The following ZNF530 variants were observed in gnomAD, a reference collection of about 807,000 sequenced individuals.
ZNF530 encodes zinc finger protein 530.
A neutral mutation model predicts 2.8 loss-of-function variants in ZNF530; 5 were observed. That is an observed-to-expected ratio of 1.80 (90% CI 0.94 to 3.78). The LOEUF (loss-of-function observed/expected upper bound fraction) is 3.78, where lower values mean the gene tolerates loss of function less well. ZNF530 is among the 30% of genes most tolerant of loss of function. The pLI is 0.00. For synonymous variants in ZNF530, 229 were observed against 235.0 expected, an observed-to-expected ratio of 0.97 and a Z score of 0.23; for missense variants, 619 against 673.3, an observed-to-expected ratio of 0.92 and a Z score of 0.89.
rs1453945089 is a variant in ZNF530, at chr19:57,608,101, C to G, written c.*776C>G. The G allele has an allele frequency of 6.6e-6, 1 of 152,172 alleles. No homozygotes were observed. The highest frequency in any genetic ancestry group is 1.5e-5 in the Non-Finnish European group (1 of 68,042). 9.4% of individuals were successfully genotyped at this position (152,172 alleles called of 1,614,324 possible). A position where few individuals can be genotyped will look rare whatever the true frequency, so the allele number is the denominator to read the frequency against. ...GCATATAACTACCCCAGTGTTGGCC[C>G]CAGGACCTGATCTGAGTTCTGCTGG... On this transcript the variant is annotated 3_prime_UTR_variant, in exon 4 of 4. Transcript: ENST00000597700.
At position 57,606,680 on chromosome 19, in the gene ZNF530, G is replaced by C. The variant is rs770518655; in HGVS notation, c.1056G>C (p.Gly352=). The C allele has an allele frequency of 6.2e-7, 1 of 1,613,966 alleles. No homozygotes were observed. Among genetic ancestry groups the C allele is most frequent in the Non-Finnish European group, 8.5e-7 (1 of 1,179,994 alleles). ...GVRPYECSEC[G]KAFSCNIYLI... Reference sequence around the variant, plus strand: ...GGCCTTATGAGTGTAGTGAATGTGGGAAAGCATTTAGTTGCAATATCTACC... The same window carrying C: ...GGCCTTATGAGTGTAGTGAATGTGGCAAAGCATTTAGTTGCAATATCTACC... The change falls in exon 4 of 4, where the codon GGG becomes GGC. Residue 352 remains glycine, a synonymous_variant. Coordinates refer to ENST00000597700, the MANE Select transcript of ZNF530 (RefSeq NM_001321981.2).
chr19:57,601,199 G>C (rs929340263), intron 2 of ZNF530, among the ~76,000 whole-genome samples: 38 of 152,220 alleles, frequency 2.5e-4, no homozygotes, highest in Non-Finnish European at 1.0e-4. Flanking sequence ...TGAGGCTCCT[G>C]TGGCTGAGCA....
intron 3 of ZNF530, 142 bp downstream of exon 3, chr19:57,604,548 T>G (rs1392420428): frequency 1.2e-5 from 14 of 1,191,950 alleles, no homozygotes; most frequent in Non-Finnish European, 1.7e-5. Context: ...CTGAGGGACA[T>G]CGCCAAGCAA....
rs2360543 is a variant in ZNF530, at chr19:57,605,855, T to A, written c.231T>A (p.His77Gln). The A allele has an allele frequency of 0.76, 1,222,848 of 1,614,004 alleles. 466,254 individuals are homozygous for A. The highest frequency in any genetic ancestry group is 0.85 in the African/African-American group (63,897 of 74,998). The change falls in exon 4 of 4, where the codon CAT becomes CAA. Residue 77 changes from histidine to glutamine, a missense_variant. By Grantham distance (24) the His-to-Gln change is conservative. Coordinates refer to ENST00000597700, the MANE Select transcript of ZNF530 (RefSeq NM_001321981.2). ...ACATTTTACAAATGATTGAGCTCCA[T>A]GCCTCACCCTGTGGACAGAAATTGT... ...LRDILQMIELHASPCGQKLYL... is the reference protein window; with the variant it reads ...LRDILQMIELQASPCGQKLYL...
downstream of ZNF530, among the ~76,000 whole-genome samples, chr19:57,611,106 T>C (rs1426616614): frequency 1.3e-5 from 2 of 152,292 alleles, no homozygotes; most frequent in South Asian, 2.1e-4. Context: ...GCCAATACTT[T>C]CCCTGCACTA....
rs946131523 is a variant in ZNF530 at position 57,600,107 on chromosome 19, G to A, written c.-149G>A. ...CGGCCCGCTCCGCCCAGAGTCCGAT[G>A]GCGGCGGCACTGAGGGCCCCGACCC... On this transcript the variant is annotated 5_prime_UTR_variant, in exon 1 of 4. It removes an upstream start codon present in the reference 5' UTR. Transcript: ENST00000597700. 3.2e-6 allele frequency: 5 copies of A among 1,562,864 alleles called. No individual in the cohort carries two copies. The highest frequency in any genetic ancestry group is 3.5e-6 in the Non-Finnish European group (4 of 1,152,612).
At chr19:57,602,709 G>A (rs370954519) in intron 2 of ZNF530, among the ~76,000 whole-genome samples, 15 of 152,246 alleles carry the variant, frequency 9.9e-5, no homozygotes, top group Middle Eastern at 3.4e-3. Context: ...GTCCATTTTC[G>A]TGCTGCTGAT....
At chr19:57,603,101 G>A (rs1980323831) in intron 2 of ZNF530, among the ~76,000 whole-genome samples, 3 of 152,202 alleles carry the variant, frequency 2.0e-5, no homozygotes, top group Admixed American at 6.5e-5. Context: ...ACATTGGCCA[G>A]GCTGGTCTCA....
rs1980724264 is a variant in ZNF530 at position 57,608,675 on chromosome 19, C to G, written c.*1350C>G. On this transcript the variant is annotated 3_prime_UTR_variant, in exon 4 of 4. Coordinates refer to ENST00000597700, the MANE Select transcript of ZNF530 (RefSeq NM_001321981.2). Reference sequence around the variant, plus strand: ...CCCTTGAAACACAGAATTCAGTGAGCTAGTGTCCCTAGCTATAAAACCATG... The same window carrying G: ...CCCTTGAAACACAGAATTCAGTGAGGTAGTGTCCCTAGCTATAAAACCATG... The G allele has an allele frequency of 6.6e-6, 1 of 152,182 alleles. No homozygotes were observed. The highest frequency in any genetic ancestry group is 1.5e-5 in the Non-Finnish European group (1 of 68,048). The allele number at this position is 152,182 out of a possible 1,614,324, so 9.4% of individuals were successfully genotyped here. A position where few individuals can be genotyped will look rare whatever the true frequency, so the allele number is the denominator to read the frequency against.
downstream of ZNF530, among the ~76,000 whole-genome samples, chr19:57,610,931 A>G (rs570233420): frequency 6.8e-4 from 104 of 152,222 alleles, no homozygotes; most frequent in African/African-American, 2.4e-3. Flanking sequence ...ATATGTATTA[A>G]TCATGGTTTC....
downstream of ZNF530, among the ~76,000 whole-genome samples, chr19:57,610,412 ATGTGTGTGTGTGTGTGTGTGTG>A (rs57429926): frequency 2.7e-5 from 4 of 147,180 alleles, no homozygotes; most frequent in African/African-American, 1.0e-4. Context: ...AAGTGTACAT[ATGTGTGTGTGTGTGTGTGTGTG>A]TGTGTGTGTG....
chr19:57,605,383 A>G (rs924107131), intron 3 of ZNF530: 6 of 252,644 alleles, frequency 2.4e-5, no homozygotes, highest in Non-Finnish European at 3.0e-5. Context: ...GACACCAATA[A>G]TCTTCTGTGC....
Position 57,607,022 on chromosome 19 carries a change from T to A in ZNF530, c.1398T>A (p.Ser466=), listed in dbSNP as rs772435172. The change falls in exon 4 of 4, where the codon TCT becomes TCA. Residue 466 remains serine, a synonymous_variant. Transcript: ENST00000597700. ...ATGAGTGCAGTGTATGTGGGAAATCTTTTATCCGAAAAACCCACCTCATTC... is the reference window on the plus strand; with the variant it reads ...ATGAGTGCAGTGTATGTGGGAAATCATTTATCCGAAAAACCCACCTCATTC... The part of the protein sequence containing the change: ...RPYECSVCGK[S]FIRKTHLIRH... The A allele has an allele frequency of 1.9e-6, 3 of 1,610,994 alleles. No homozygotes were observed. Among genetic ancestry groups the A allele is most frequent in the Non-Finnish European group, 1.7e-6 (2 of 1,178,748 alleles).
downstream of ZNF530, among the ~76,000 whole-genome samples, chr19:57,611,939 C>T (rs924326152): frequency 6.6e-6 from 1 of 152,174 alleles, no homozygotes; most frequent in Admixed American, 6.5e-5. Context: ...CCCTGTAAAT[C>T]GAAGCCAACC....
rs1425851167 is a variant in ZNF530, at chr19:57,609,842, G to A, written c.*2517G>A. Among the ~76,000 whole-genome samples, 2 of 152,144 alleles carry A rather than the reference G, an allele frequency of 1.3e-5. No homozygotes were observed. The highest frequency in any genetic ancestry group is 4.8e-5 in the African/African-American group (2 of 41,444). ...AAAGGATGAAGTCAAGAGAGATTCG[G>A]TTGTCCTTGGTGCGGCTTTTGTGAT... On this transcript the variant is annotated 3_prime_UTR_variant, in exon 4 of 4. Coordinates refer to ENST00000597700, the MANE Select transcript of ZNF530 (RefSeq NM_001321981.2).
intron 1 of ZNF530, 145 bp from the exon 2 acceptor site, chr19:57,600,583 C>T (rs765394462): frequency 3.1e-5 from 5 of 163,880 alleles, no homozygotes; most frequent in Non-Finnish European, 6.6e-5. Context: ...GGTCACAAAG[C>T]TGGTAAAAGT....
intron 2 of ZNF530, among the ~76,000 whole-genome samples, chr19:57,601,842 C>G (rs551761787): frequency 3.3e-5 from 5 of 152,108 alleles, no homozygotes; most frequent in Admixed American, 2.6e-4. Flanking sequence ...AAAAAGGGAG[C>G]CAGCAAGGCA....
In ZNF530 at chr19:57,607,445, A is replaced by C; in HGVS notation, c.*120A>C. ...CTGCAACCTCCGCCTCCTGGGATCA[A>C]GTGATTCTCCTGCCACAGCCTCCTG... On this transcript the variant is annotated 3_prime_UTR_variant, in exon 4 of 4. Coordinates refer to ENST00000597700, the MANE Select transcript of ZNF530 (RefSeq NM_001321981.2). The C allele has an allele frequency of 9.9e-7, 1 of 1,005,324 alleles. No homozygotes were observed. Among genetic ancestry groups the C allele is most frequent in the South Asian group, 1.7e-5 (1 of 57,684 alleles). The allele number at this position is 1,005,324 out of a possible 1,614,324, so 62.3% of individuals were successfully genotyped here.
Position 57,599,905 on chromosome 19 carries a change from T to A in ZNF530, c.-351T>A. ...GGAGCGGAACTTCCGGCGTCCTCCCTGTGGCGGGCACTTTGGCTTGTGTCA... is the reference window on the plus strand; with the variant it reads ...GGAGCGGAACTTCCGGCGTCCTCCCAGTGGCGGGCACTTTGGCTTGTGTCA... On this transcript the variant is annotated 5_prime_UTR_variant, in exon 1 of 4. Transcript: ENST00000597700. The A allele has an allele frequency of 1.9e-6, 1 of 528,840 alleles. No homozygotes were observed. Among genetic ancestry groups the A allele is most frequent in the East Asian group, 3.1e-5 (1 of 32,648 alleles). 32.8% of individuals were successfully genotyped at this position (528,840 alleles called of 1,614,324 possible). A position where few individuals can be genotyped will look rare whatever the true frequency, so the allele number is the denominator to read the frequency against.
Sources: allele counts gnomAD v4.1 joint callset (sites outside exome capture counted in the v4.1 genomes callset), GRCh38; gene constraint gnomAD v4.1.1; transcripts MANE v1.5; gene names NCBI Gene and HGNC (gene_info 2026-07-23, HGNC 2026-07-21).